The following GID4 variants were observed in gnomAD, a reference collection of about 807,000 sequenced individuals.
GID4 encodes the protein GID complex subunit 4 homolog, also known as glucose-induced degradation protein 4 homolog.
In GID4, 7 loss-of-function variants were observed where a neutral mutation model predicts 32.4. That is an observed-to-expected ratio of 0.22 (90% CI 0.12 to 0.41). The LOEUF (loss-of-function observed/expected upper bound fraction) is 0.41, where lower values mean the gene tolerates loss of function less well. GID4 is among the 10% of genes least tolerant of loss of function. The probability of loss-of-function intolerance (pLI) is 1.00; values close to 1 mark genes in which losing one functional copy is unlikely to be tolerated. For missense variants in GID4, 309 were observed against 400.0 expected (o/e 0.77, Z 1.94); for synonymous variants, 166 against 170.0 (o/e 0.98, Z 0.18).
intron 2 of GID4, among the ~76,000 whole-genome samples, chr17:18,048,762 C>A (rs2044880584): frequency 6.6e-6 from 1 of 151,852 alleles, no homozygotes; most frequent in Non-Finnish European, 1.5e-5. Flanking sequence ...CATGCCTCAG[C>A]CTCCCGAGTA....
intron 4 of GID4, among the ~76,000 whole-genome samples, chr17:18,060,328 G>A (rs1388046308): frequency 6.7e-6 from 1 of 149,370 alleles, no homozygotes; most frequent in Non-Finnish European, 1.5e-5. Context: ...AACCCAGGAG[G>A]TGGAGGTTGC....
At chr17:18,054,441 G>A (rs780342576) in intron 3 of GID4, among the ~76,000 whole-genome samples, 1 of 152,182 alleles carries the variant, frequency 6.6e-6, no homozygotes, top group Non-Finnish European at 1.5e-5. Flanking sequence ...ATAGCAAATG[G>A]TTGTCTGATG....
intron 2 of GID4, among the ~76,000 whole-genome samples, chr17:18,047,365 G>C (rs1035758370): frequency 3.3e-5 from 5 of 152,232 alleles, no homozygotes; most frequent in African/African-American, 1.2e-4. Context: ...AAACCAGCAA[G>C]TGTGTAAGGC....
chr17:18,046,329 G>A (rs2044852325), intron 2 of GID4, among the ~76,000 whole-genome samples: 1 of 152,210 alleles, frequency 6.6e-6, no homozygotes, highest in Non-Finnish European at 1.5e-5. Flanking sequence ...TCCAGGCTGG[G>A]TGCTGTGGCT....
Position 18,061,776 on chromosome 17 carries a change from C to T in GID4, c.709-69C>T. The T allele has an allele frequency of 6.7e-7, 1 of 1,486,158 alleles. No homozygotes were observed. The highest frequency in any genetic ancestry group is 9.4e-7 in the Non-Finnish European group (1 of 1,066,954). 92.1% of individuals were successfully genotyped at this position (1,486,158 alleles called of 1,614,324 possible). A position where few individuals can be genotyped will look rare whatever the true frequency, so the allele number is the denominator to read the frequency against. Reference sequence around the variant, plus strand: ...GAGTGGTCCTTAGAACCCCCTGATGCTTAACAGGGAGGCCCCGTGGGTGGT... The same window carrying T: ...GAGTGGTCCTTAGAACCCCCTGATGTTTAACAGGGAGGCCCCGTGGGTGGT... On this transcript the variant is annotated intron_variant, in intron 4 of 5. Coordinates refer to ENST00000268719, the MANE Select transcript of GID4 (RefSeq NM_024052.5). The surrounding 1 kb of genome is among the most constrained non-coding windows in gnomAD (Gnocchi z 4.4).
intron 3 of GID4, chr17:18,056,598 A>G: frequency 1.7e-6 from 2 of 1,186,264 alleles, no homozygotes; most frequent in Non-Finnish European, 2.3e-6. Context: ...TGGTCCTGCA[A>G]AAAGCAAAGT....
At chr17:18,047,871 G>A (rs1486043454) in intron 2 of GID4, among the ~76,000 whole-genome samples, 1 of 151,746 alleles carries the variant, frequency 6.6e-6, no homozygotes, top group African/African-American at 2.4e-5. Flanking sequence ...TTGGTTTTTA[G>A]TGTATTCACA....
intron 2 of GID4, among the ~76,000 whole-genome samples, chr17:18,048,031 G>T (rs897642596): frequency 1.3e-5 from 2 of 151,590 alleles, no homozygotes; most frequent in Non-Finnish European, 2.9e-5. Flanking sequence ...CTCCCGAGTA[G>T]CTGGGACTAC....
chr17:18,039,824 C>T lies in GID4; in HGVS notation c.360C>T (p.Ser120=). ...CCCAGCAGCCCGGCGTGGCCACCAG[C>T]CTGCTCTACAGCGGCTCCAAGTTCC... ...INTQQPGVAT[S]LLYSGSKFRG... Residue 120 remains serine (S), a synonymous_variant, in exon 1 of 6, where the codon AGC becomes AGT. Transcript: ENST00000268719. This position sits in a 1 kb window ranked among gnomAD's most constrained non-coding sequence, Gnocchi z 5.3. The T allele has an allele frequency of 6.4e-7, 1 of 1,574,066 alleles. No homozygotes were observed. Among genetic ancestry groups the T allele is most frequent in the Non-Finnish European group, 8.6e-7 (1 of 1,160,818 alleles).
intron 3 of GID4, chr17:18,057,130 G>GACATTTTTATCCTATGTA: frequency 1.4e-6 from 2 of 1,397,510 alleles, no homozygotes; most frequent in Non-Finnish European, 1.9e-6. Flanking sequence ...AGTCTACATA[G>GACATTTTTATCCTATGTA]GATAAAAATG....
chr17:18,059,073 A>G, intron 4 of GID4, 104 bp downstream of exon 4: 1 of 667,882 alleles, frequency 1.5e-6, no homozygotes, highest in Non-Finnish European at 2.7e-6. Context: ...AGTGCTCGTC[A>G]CAGCTGGTTG....
intron 4 of GID4, among the ~76,000 whole-genome samples, chr17:18,060,400 CAAA>C (rs919974638): frequency 1.5e-4 from 7 of 45,676 alleles, no homozygotes; most frequent in South Asian, 1.8e-3. Context: ...TCTGTCTCAC[CAAA>C]AAAAAAAAAA....
At chr17:18,056,487 G>A (rs991169585) in intron 3 of GID4, among the ~76,000 whole-genome samples, 2 of 152,290 alleles carry the variant, frequency 1.3e-5, no homozygotes, top group South Asian at 2.1e-4. Flanking sequence ...GCTGCCTCAC[G>A]AGATGGCTCC....
rs148371214 is a variant in GID4 at position 18,046,853 on chromosome 17, C to T, written c.498+1647C>T. ...AGGAGGATCGCTTGAACCCGGGAGG[C>T]GGAGGTTGCAGTGAGCCAAGATTGC... On this transcript the variant is annotated intron_variant, in intron 2 of 5. Coordinates refer to ENST00000268719, the MANE Select transcript of GID4 (RefSeq NM_024052.5). Among the ~76,000 whole-genome samples, 92 of 145,170 alleles carry T rather than the reference C, an allele frequency of 6.3e-4. No individual in the cohort carries two copies. In the East Asian group the frequency reaches 0.015, roughly 24 times the overall value.
chr17:18,045,368 T>C (rs1169327323), intron 2 of GID4, among the ~76,000 whole-genome samples, 162 bp downstream of exon 2: 1 of 152,200 alleles, frequency 6.6e-6, no homozygotes. Context: ...GCAGTTTCAG[T>C]GTGTCCTGTT....
At chr17:18,052,143 CCTCT>C (rs933150687) in intron 2 of GID4, among the ~76,000 whole-genome samples, 2 of 150,708 alleles carry the variant, frequency 1.3e-5, no homozygotes, top group African/African-American at 4.9e-5. Context: ...GAAAATTTCT[CCTCT>C]CTCATTTTTT....
chr17:18,054,364 A>G (rs1816687507), intron 3 of GID4, 130 bp downstream of exon 3: 2 of 563,178 alleles, frequency 3.6e-6, no homozygotes, highest in Non-Finnish European at 6.4e-6. Context: ...GTTGCACTGC[A>G]CACAGACCTC....
intron 3 of GID4, among the ~76,000 whole-genome samples, chr17:18,055,210 C>G (rs1035016088): frequency 2.6e-5 from 4 of 151,802 alleles, no homozygotes; most frequent in Non-Finnish European, 5.9e-5. Context: ...AACCTAATAG[C>G]CTTTTGCTTT....
intron 2 of GID4, 55 bp downstream of exon 2, chr17:18,045,261 G>A (rs1567584682): frequency 2.7e-5 from 37 of 1,391,832 alleles, no homozygotes; most frequent in East Asian, 1.4e-4. Flanking sequence ...TGCTCCACAG[G>A]CTCATTGGGG....
Sources: gnomAD v4.1 joint callset for allele counts (sites outside exome capture counted in the v4.1 genomes callset) on GRCh38, gnomAD v4.1.1 for gene constraint, Gnocchi (gnomAD v3.1) non-coding constraint, MANE v1.5 for transcripts, NCBI Gene and HGNC (gene_info 2026-07-23, HGNC 2026-07-21) for gene names.